The following ZNF600 variants were observed in gnomAD, a reference collection of about 807,000 sequenced individuals.
ZNF600 encodes the protein zinc finger protein KR-ZNF1.
ZNF600 carries 4 observed loss-of-function variants against 7.3 expected under a neutral mutation model. The ratio of observed to expected loss-of-function variants is 0.55; its 90% CI spans 0.27 to 1.25. The LOEUF is 1.25. Among genes scored for constraint, ZNF600 ranks in the 50% most tolerant of loss-of-function variants. ZNF600 has a pLI of 0.12. For synonymous variants in ZNF600, 290 were observed against 308.9 expected (o/e 0.94, Z 0.64); for missense variants, 911 against 922.1 (o/e 0.99, Z 0.16).
chr19:52,792,235 T>C, the ZNF600 span, among the ~76,000 whole-genome samples: 1 of 152,084 alleles, frequency 6.6e-6, no homozygotes, highest in Non-Finnish European at 1.5e-5. Context: ...GAACAGGCAA[T>C]GTGGACCAGA....
At chr19:52,811,155 A>G in the ZNF600 span, among the ~76,000 whole-genome samples, 1 of 149,954 alleles carries the variant, frequency 6.7e-6, no homozygotes, top group Non-Finnish European at 1.5e-5. Context: ...CGGCCTCCCG[A>G]GGTGCCGGGA....
At chr19:52,767,110 T>G in exon 4 of ZNF600, 2 of 1,613,872 alleles carry the variant, frequency 1.2e-6, no homozygotes, top group Non-Finnish European at 1.7e-6. Flanking sequence ...TTGTAAGGTT[T>G]CTCTCCAGTG....
chr19:52,805,861 TC>T, the ZNF600 span: 1 of 151,856 alleles, frequency 6.6e-6, no homozygotes. Flanking sequence ...ATATCTGTAA[TC>T]CCAGCTTCTC....
At chr19:52,829,718 G>A in the ZNF600 span, among the ~76,000 whole-genome samples, 1 of 151,964 alleles carries the variant, frequency 6.6e-6, no homozygotes, top group East Asian at 1.9e-4. Context: ...CACCATGTTG[G>A]ACTGACTGGT....
At chr19:52,807,760 C>G in the ZNF600 span, 8 of 644,496 alleles carry the variant, frequency 1.2e-5, no homozygotes, top group Non-Finnish European at 2.0e-5. Flanking sequence ...CAGGCGTGAG[C>G]CACCACGACC....
chr19:52,788,882 T>C (rs1031626155), upstream of ZNF600, among the ~76,000 whole-genome samples: 1 of 152,224 alleles, frequency 6.6e-6, no homozygotes, highest in African/African-American at 2.4e-5. Context: ...ATAGAAGCTA[T>C]ATTTGCAAAA....
At chr19:52,787,121 ACT>A (rs2062771137), upstream of ZNF600, among the ~76,000 whole-genome samples, 2 of 152,200 alleles carry the variant, frequency 1.3e-5, no homozygotes, top group African/African-American at 2.4e-5. Flanking sequence ...TTCTCCATTC[ACT>A]CAGGAGGGAG....
At chr19:52,807,972 T>C in the ZNF600 span, 151 of 1,611,612 alleles carry the variant, frequency 9.4e-5, no homozygotes, top group Non-Finnish European at 8.3e-5. Context: ...AATACAAAGA[T>C]ACACAAGGGC....
chr19:52,823,496 G>T, the ZNF600 span, among the ~76,000 whole-genome samples: 3 of 152,154 alleles, frequency 2.0e-5, no homozygotes, highest in Non-Finnish European at 4.4e-5. Flanking sequence ...GACTACAGGC[G>T]TGCGCCACCG....
the ZNF600 span, chr19:52,799,282 C>A: frequency 2.4e-6 from 1 of 423,532 alleles, no homozygotes; most frequent in Non-Finnish European, 4.5e-6. Context: ...GGTTTCTCTC[C>A]AGTTTGAATT....
the ZNF600 span, chr19:52,800,836 T>G: frequency 1.2e-6 from 2 of 1,613,836 alleles, no homozygotes; most frequent in Non-Finnish European, 1.7e-6. Flanking sequence ...GAATTACATG[T>G]GAAAGCTTTG....
the ZNF600 span, among the ~76,000 whole-genome samples, chr19:52,795,447 AAT>A: frequency 1.9e-3 from 176 of 90,448 alleles, 2 homozygotes; most frequent in Middle Eastern, 7.4e-3. Flanking sequence ...TGGTTAAAAA[AAT>A]ATATATATAT....
exon 4 of ZNF600, chr19:52,765,572 G>T: frequency 6.2e-7 from 1 of 1,613,510 alleles, no homozygotes; most frequent in African/African-American, 1.3e-5. Flanking sequence ...TGAAGACTTT[G>T]TGACAATCAT....
At chr19:52,792,037 C>A in the ZNF600 span, among the ~76,000 whole-genome samples, 1 of 152,332 alleles carries the variant, frequency 6.6e-6, no homozygotes, top group African/African-American at 2.4e-5. Flanking sequence ...AATAAGAATC[C>A]CTGCTAAAGC....
intron 3 of ZNF600, among the ~76,000 whole-genome samples, chr19:52,771,274 T>G (rs80134449): frequency 0.12 from 17,849 of 152,132 alleles, 1,205 homozygotes; most frequent in South Asian, 0.2. Context: ...TGACATCTTG[T>G]TCTTGGATTT....
At chr19:52,811,531 C>T in the ZNF600 span, among the ~76,000 whole-genome samples, 1 of 147,246 alleles carries the variant, frequency 6.8e-6, no homozygotes, top group Admixed American at 6.7e-5. Flanking sequence ...GTGGGGAGCA[C>T]CTCTGCCCCA....
intron 3 of ZNF600, among the ~76,000 whole-genome samples, chr19:52,771,584 C>T (rs2062630535): frequency 6.6e-6 from 1 of 152,016 alleles, no homozygotes; most frequent in African/African-American, 2.4e-5. Context: ...AATGATTCTC[C>T]TATAGGTCTC....
the ZNF600 span, chr19:52,801,685 T>C: frequency 6.2e-7 from 1 of 1,611,608 alleles, no homozygotes; most frequent in Non-Finnish European, 8.5e-7. Context: ...GTCTTCATCA[T>C]GCATTTGGAA....
At chr19:52,800,113 G>A in the ZNF600 span, 2 of 1,614,050 alleles carry the variant, frequency 1.2e-6, no homozygotes, top group South Asian at 2.2e-5. Context: ...CATTTGTACG[G>A]TTTCTCTCCA....
Sources: allele counts gnomAD v4.1 joint callset (sites outside exome capture counted in the v4.1 genomes callset), GRCh38; gene constraint gnomAD v4.1.1; transcripts MANE v1.5; gene names NCBI Gene and HGNC (gene_info 2026-07-23, HGNC 2026-07-21).